DLG2: variants seen among roughly 807,000 people sequenced by gnomAD.
DLG2 encodes discs large MAGUK scaffold protein 2, also known as disks large homolog 2.
Under a neutral mutation model 132.5 loss-of-function variants are expected in DLG2, and 45 were observed. The ratio of observed to expected loss-of-function variants is 0.34; its 90% CI spans 0.27 to 0.44. The LOEUF (loss-of-function observed/expected upper bound fraction) is 0.44, where lower values mean the gene tolerates loss of function less well. DLG2 is among the 20% of genes least tolerant of loss of function. The pLI is 1.00. For synonymous variants in DLG2, 424 were observed against 419.6 expected (o/e 1.01, Z -0.13); for missense variants, 1,045 against 1,196.9 (o/e 0.87, Z 1.87).
At chr11:84,446,384 GGTGA>G (rs1381835955) in intron 7 of DLG2, among the ~76,000 whole-genome samples, 1 of 151,930 alleles carries the variant, frequency 6.6e-6, no homozygotes, top group Non-Finnish European at 1.5e-5. Flanking sequence ...TTTCACTCAT[GGTGA>G]GTATTTTCTG....
At chr11:83,575,908 G>A (rs2096866463) in intron 19 of DLG2, among the ~76,000 whole-genome samples, 1 of 151,906 alleles carries the variant, frequency 6.6e-6, no homozygotes, top group Non-Finnish European at 1.5e-5. Flanking sequence ...AAAAGAAGTA[G>A]AACAATATGA....
At chr11:84,770,311 T>C (rs2069101120) in intron 6 of DLG2, among the ~76,000 whole-genome samples, 1 of 152,190 alleles carries the variant, frequency 6.6e-6, no homozygotes. Context: ...ATCCTTCTTT[T>C]AAAACTTTCA....
rs75535447 is a variant in DLG2 at position 83,492,873 on chromosome 11, T to G, written c.2194-8645A>C. 4.5e-3 allele frequency among the ~76,000 whole-genome samples: 691 copies of G among 152,210 alleles called. 7 individuals are homozygous for G. The highest frequency in any genetic ancestry group is 6.2e-3 in the Non-Finnish European group (420 of 67,992). The stretch of plus-strand genomic sequence containing the variant: ...CTCAGCTGGTGTTCCTGCTTCCACC[T>G]ATTCCTGCTGCACTTTATTCTCCTT... On this transcript the variant is annotated intron_variant, in intron 21 of 27. Coordinates refer to ENST00000376104, the MANE Select transcript of DLG2 (RefSeq NM_001142699.3).
At chr11:85,476,439 A>G (rs2093144514) in intron 3 of DLG2, among the ~76,000 whole-genome samples, 3 of 152,096 alleles carry the variant, frequency 2.0e-5, no homozygotes, top group Admixed American at 6.5e-5. Flanking sequence ...TTATTTTACA[A>G]TAATAAATTA....
At chr11:85,186,927 G>A (rs1353217737) in intron 4 of DLG2, among the ~76,000 whole-genome samples, 4 of 151,932 alleles carry the variant, frequency 2.6e-5, no homozygotes, top group Non-Finnish European at 5.9e-5. Context: ...ATCAAAATCA[G>A]CCCATATCGA....
chr11:85,018,753 G>A (rs1235986558), intron 6 of DLG2, among the ~76,000 whole-genome samples: 3 of 150,328 alleles, frequency 2.0e-5, no homozygotes, highest in African/African-American at 4.9e-5. Context: ...TGTAATAAAC[G>A]TGAATGAAAA....
In DLG2 at chr11:83,568,196, T is replaced by A. The variant is rs758508322; in HGVS notation, c.1941-26338A>T. On this transcript the variant is annotated intron_variant, in intron 19 of 27. Transcript: ENST00000376104. ...AAGGTAGTAGCCATGGGGATGAGTA[T>A]TTGAGAGCTTTTAAGGAGGCAGAGT... is the stretch of plus-strand genomic sequence containing the variant. Among the ~76,000 whole-genome samples, 3 of 152,018 alleles carry A rather than the reference T, an allele frequency of 2.0e-5. No homozygotes were observed. In the South Asian group the frequency reaches 6.2e-4, roughly 31 times the overall value.
intron 7 of DLG2, among the ~76,000 whole-genome samples, chr11:84,435,700 A>G (rs1393378406): frequency 6.6e-6 from 1 of 152,208 alleles, no homozygotes; most frequent in Non-Finnish European, 1.5e-5. Context: ...ACAGAAATGG[A>G]TGGGACAGAT....
At chr11:83,584,961 C>A (rs1481510722) in intron 19 of DLG2, among the ~76,000 whole-genome samples, 1 of 152,128 alleles carries the variant, frequency 6.6e-6, no homozygotes, top group Non-Finnish European at 1.5e-5. Context: ...TGAAATTACT[C>A]CTCTACTTTT....
At chr11:85,362,941 C>T (rs1351158853) in intron 3 of DLG2, among the ~76,000 whole-genome samples, 1 of 152,124 alleles carries the variant, frequency 6.6e-6, no homozygotes, top group African/African-American at 2.4e-5. Flanking sequence ...AAAAGCATCA[C>T]TAATTTGCCA....
chr11:84,590,803 T>G (rs971988596), intron 6 of DLG2, among the ~76,000 whole-genome samples: 3 of 152,106 alleles, frequency 2.0e-5, no homozygotes, highest in African/African-American at 7.2e-5. Flanking sequence ...CGCAAACTTT[T>G]GAAGGAGGAT....
At chr11:84,610,822 C>T (rs917262531) in intron 6 of DLG2, among the ~76,000 whole-genome samples, 20 of 152,096 alleles carry the variant, frequency 1.3e-4, no homozygotes, top group Admixed American at 1.3e-3. Context: ...TCATACATAG[C>T]CACAGATTAC....
chr11:83,819,487 A>G (rs1463120918), intron 17 of DLG2, among the ~76,000 whole-genome samples: 1 of 140,508 alleles, frequency 7.1e-6, no homozygotes, highest in African/African-American at 2.7e-5. Flanking sequence ...AAAAAAAAAA[A>G]AAAAAGAAGA....
At chr11:84,733,276 A>G (rs1251461602) in intron 6 of DLG2, among the ~76,000 whole-genome samples, 1 of 152,076 alleles carries the variant, frequency 6.6e-6, no homozygotes, top group Non-Finnish European at 1.5e-5. Context: ...GAGTGTTCCT[A>G]TTTCTGCACA....
intron 6 of DLG2, among the ~76,000 whole-genome samples, chr11:84,589,186 G>T (rs1335488634): frequency 6.6e-6 from 1 of 152,146 alleles, no homozygotes. Flanking sequence ...AGTGAGTAGG[G>T]GAGGCTGCAG....
intron 7 of DLG2, among the ~76,000 whole-genome samples, chr11:84,527,558 T>C (rs190216668): frequency 6.6e-6 from 1 of 152,318 alleles, no homozygotes; most frequent in Non-Finnish European, 1.5e-5. Context: ...TTCCCAGAAC[T>C]GTTTATTCCA....
intron 6 of DLG2, among the ~76,000 whole-genome samples, chr11:84,983,476 G>GA (rs1163765882): frequency 4.6e-5 from 7 of 151,220 alleles, no homozygotes; most frequent in South Asian, 2.1e-4. Context: ...CCTCATGGGA[G>GA]AAAAAAAAAT....
At chr11:84,194,267 C>T (rs1401695602) in intron 8 of DLG2, among the ~76,000 whole-genome samples, 2 of 152,134 alleles carry the variant, frequency 1.3e-5, no homozygotes, top group Non-Finnish European at 2.9e-5. Flanking sequence ...AAGCCGTGGA[C>T]CCTTGCGGTC....
intron 8 of DLG2, among the ~76,000 whole-genome samples, chr11:84,215,242 GAAAACTTCCAC>G (rs2154317144): frequency 6.6e-6 from 1 of 152,228 alleles, no homozygotes; most frequent in East Asian, 1.9e-4. Flanking sequence ...AGCTGAATTA[GAAAACTTCCAC>G]CTGATCATAG....
Sources: gnomAD v4.1 joint callset for allele counts (sites outside exome capture counted in the v4.1 genomes callset) on GRCh38, gnomAD v4.1.1 for gene constraint, MANE v1.5 for transcripts, NCBI Gene and HGNC (gene_info 2026-07-23, HGNC 2026-07-21) for gene names.